The following PCDH15 variants were observed in gnomAD, a reference collection of about 807,000 sequenced individuals.
PCDH15 encodes protocadherin related 15, also known as protocadherin-15.
A neutral mutation model predicts 178.5 loss-of-function variants in PCDH15; 129 were observed. That is an observed-to-expected ratio of 0.72 (90% CI 0.63 to 0.84). The LOEUF is 0.84. PCDH15 is among the 40% of genes least tolerant of loss of function. The probability of loss-of-function intolerance (pLI) is 0.00; values close to 1 mark genes in which losing one functional copy is unlikely to be tolerated. For missense variants in PCDH15, 2,230 were observed against 2,099.9 expected (o/e 1.06, Z -1.21); for synonymous variants, 800 against 732.0 (o/e 1.09, Z -1.50).
chr10:54,270,775 G>C (rs1295292454), intron 8 of PCDH15, among the ~76,000 whole-genome samples: 1 of 152,058 alleles, frequency 6.6e-6, no homozygotes, highest in Non-Finnish European at 1.5e-5. Flanking sequence ...AAAGTTACCT[G>C]GTGACTACTT....
chr10:55,103,251 T>C (rs1256044009), intron 2 of PCDH15, among the ~76,000 whole-genome samples: 1 of 152,096 alleles, frequency 6.6e-6, no homozygotes, highest in Non-Finnish European at 1.5e-5. Flanking sequence ...TGTTGAATAA[T>C]TGGAACACTT....
intron 3 of PCDH15, among the ~76,000 whole-genome samples, chr10:54,892,474 A>G (rs1160280267): frequency 6.6e-6 from 1 of 151,908 alleles, no homozygotes; most frequent in Non-Finnish European, 1.5e-5. Flanking sequence ...AAAAAATGCA[A>G]AAAAAATTCT....
intron 9 of PCDH15, among the ~76,000 whole-genome samples, chr10:54,232,924 C>CTTTTTTTTTT (rs762364718): frequency 8.2e-5 from 9 of 109,200 alleles, no homozygotes; most frequent in African/African-American, 2.6e-4. Flanking sequence ...AGCTTTCTTT[C>CTTTTTTTTTT]TTTTTTTTTT....
chr10:55,485,831 T>TAC (rs1167201014), intron 2 of PCDH15, among the ~76,000 whole-genome samples: 17 of 151,744 alleles, frequency 1.1e-4, no homozygotes, highest in Admixed American at 3.3e-4. Context: ...GAAGAGATAC[T>TAC]TGCATTCCAA....
intron 5 of PCDH15, among the ~76,000 whole-genome samples, chr10:54,353,986 T>G (rs1172883242): frequency 6.6e-6 from 1 of 152,210 alleles, no homozygotes; most frequent in African/African-American, 2.4e-5. Flanking sequence ...TTTATTTATC[T>G]ATTTATTTAT....
intron 2 of PCDH15, among the ~76,000 whole-genome samples, chr10:54,642,304 A>C (rs1330206162): frequency 6.6e-6 from 1 of 152,152 alleles, no homozygotes; most frequent in Admixed American, 6.5e-5. Flanking sequence ...TATGAACAAT[A>C]ATTTTTTGTT....
At chr10:54,678,233 G>A (rs1449089890) in intron 1 of PCDH15, among the ~76,000 whole-genome samples, 2 of 152,116 alleles carry the variant, frequency 1.3e-5, no homozygotes, top group South Asian at 2.1e-4. Context: ...AAGTAAGAAT[G>A]CATTTTGGGC....
chr10:54,942,928 G>A (rs1191452464), intron 2 of PCDH15, among the ~76,000 whole-genome samples: 1 of 151,856 alleles, frequency 6.6e-6, no homozygotes, highest in African/African-American at 2.4e-5. Flanking sequence ...TGCATAATGT[G>A]GTGCCTTATT....
intron 3 of PCDH15, among the ~76,000 whole-genome samples, chr10:54,816,957 A>C (rs1485213054): frequency 6.6e-6 from 1 of 152,044 alleles, no homozygotes; most frequent in Non-Finnish European, 1.5e-5. Flanking sequence ...ATCTTAAGAA[A>C]GATAAGTGTA....
intron 3 of PCDH15, among the ~76,000 whole-genome samples, chr10:54,522,870 T>G (rs1170155959): frequency 6.6e-6 from 1 of 152,214 alleles, no homozygotes; most frequent in African/African-American, 2.4e-5. Context: ...TTCAGCTGTT[T>G]TGTTGTAAAA....
At chr10:54,095,649 C>A (rs558108796) in intron 15 of PCDH15, among the ~76,000 whole-genome samples, 1 of 152,236 alleles carries the variant, frequency 6.6e-6, no homozygotes, top group East Asian at 1.9e-4. Context: ...GAAGGCATAG[C>A]AGAATCACTG....
At chr10:55,453,314 A>C (rs1212561033) in intron 2 of PCDH15, among the ~76,000 whole-genome samples, 3 of 152,170 alleles carry the variant, frequency 2.0e-5, no homozygotes, top group African/African-American at 7.2e-5. Context: ...TGAAATACAG[A>C]CAATAAAATA....
intron 2 of PCDH15, among the ~76,000 whole-genome samples, chr10:55,015,853 C>T (rs550750262): frequency 6.6e-6 from 1 of 152,058 alleles, no homozygotes; most frequent in Non-Finnish European, 1.5e-5. Context: ...TGCAACCCCT[C>T]TTCATTTGTG....
At chr10:55,466,805 T>C (rs2132101850) in intron 2 of PCDH15, among the ~76,000 whole-genome samples, 1 of 152,290 alleles carries the variant, frequency 6.6e-6, no homozygotes, top group East Asian at 1.9e-4. Flanking sequence ...CCACTCTTAT[T>C]CTCCCTACTT....
intron 23 of PCDH15, among the ~76,000 whole-genome samples, chr10:53,952,754 C>A (rs1010204271): frequency 6.6e-6 from 1 of 152,184 alleles, no homozygotes; most frequent in Non-Finnish European, 1.5e-5. Flanking sequence ...TCCAGGCCAC[C>A]CCCAGCCCCA....
intron 2 of PCDH15, among the ~76,000 whole-genome samples, chr10:54,900,233 C>T (rs989629145): frequency 2.0e-5 from 3 of 151,954 alleles, no homozygotes; most frequent in East Asian, 1.9e-4. Flanking sequence ...GGCAGCAATA[C>T]CCAGGAAATA....
At chr10:55,486,797 G>C (rs1251394300) in intron 2 of PCDH15, among the ~76,000 whole-genome samples, 3 of 151,262 alleles carry the variant, frequency 2.0e-5, no homozygotes, top group African/African-American at 7.3e-5. Flanking sequence ...GTGATTCACT[G>C]CACCTGGCTT....
At chr10:54,621,330 A>G (rs905367183) in intron 2 of PCDH15, among the ~76,000 whole-genome samples, 1 of 151,992 alleles carries the variant, frequency 6.6e-6, no homozygotes, top group African/African-American at 2.4e-5. Context: ...AAATGGTTCA[A>G]TTTATTAAAT....
rs567309718 is a variant in PCDH15 at position 54,493,096 on chromosome 10, A to G, written c.157+34716T>C. Among the ~76,000 whole-genome samples the G allele has an allele frequency of 3.5e-3, 539 of 152,280 alleles. 3 individuals are homozygous for G. The highest frequency in any genetic ancestry group is 0.013 in the African/African-American group (520 of 41,568). On this transcript the variant is annotated intron_variant, in intron 3 of 37. Transcript: ENST00000644397. ...CAGAAAGACTTGCCCTCATGATTCA[A>G]TTACCTCCCACTGGGTCCCTCCCTC... is the stretch of plus-strand genomic sequence containing the variant.
Sources: allele counts gnomAD v4.1 joint callset (sites outside exome capture counted in the v4.1 genomes callset), GRCh38; gene constraint gnomAD v4.1.1; transcripts MANE v1.5; gene names NCBI Gene and HGNC (gene_info 2026-07-23, HGNC 2026-07-21).